The following PLCL1 variants were observed in gnomAD, a reference collection of about 807,000 sequenced individuals.
PLCL1 encodes the protein phospholipase C like 1 (inactive).
A neutral mutation model predicts 84.4 loss-of-function variants in PLCL1; 41 were observed. The ratio of observed to expected loss-of-function variants is 0.49; its 90% CI spans 0.38 to 0.63. The LOEUF is 0.63. Among genes scored for constraint, PLCL1 ranks in the 30% least tolerant of loss-of-function variants. PLCL1 has a pLI of 0.00. For missense variants in PLCL1, 1,206 were observed against 1,367.8 expected (o/e 0.88, Z 1.87); for synonymous variants, 490 against 488.3 (o/e 1.00, Z -0.05).
intron 1 of PLCL1, among the ~76,000 whole-genome samples, chr2:197,901,327 A>T (rs1320995674): frequency 6.6e-6 from 1 of 152,228 alleles, no homozygotes; most frequent in East Asian, 1.9e-4. Context: ...AAAGGCAAAA[A>T]TATACAATCT....
At chr2:198,017,705 A>G (rs142542690) in intron 1 of PLCL1, among the ~76,000 whole-genome samples, 201 of 152,374 alleles carry the variant, frequency 1.3e-3, no homozygotes, top group African/African-American at 4.4e-3. Context: ...AATGTTCTTA[A>G]TGCTTTAGTA....
chr2:197,951,132 G>A (rs1190044326), intron 1 of PLCL1, among the ~76,000 whole-genome samples: 1 of 152,112 alleles, frequency 6.6e-6, no homozygotes, highest in Non-Finnish European at 1.5e-5. Context: ...AGAACTTATG[G>A]TCCATGATTA....
chr2:198,013,281 ATGT>A (rs1033853324), intron 1 of PLCL1, among the ~76,000 whole-genome samples: 8 of 152,018 alleles, frequency 5.3e-5, no homozygotes, highest in African/African-American at 9.7e-5. Flanking sequence ...TGCCATTTTA[ATGT>A]TATCACTCCT....
chr2:198,109,508 G>T (rs1010932703), intron 5 of PLCL1, among the ~76,000 whole-genome samples: 1 of 151,832 alleles, frequency 6.6e-6, no homozygotes, highest in African/African-American at 2.4e-5. Flanking sequence ...CTTTCAGAAA[G>T]GGATACTACA....
At chr2:197,991,991 A>C (rs1282273181) in intron 1 of PLCL1, among the ~76,000 whole-genome samples, 1 of 151,794 alleles carries the variant, frequency 6.6e-6, no homozygotes, top group East Asian at 1.9e-4. Flanking sequence ...TCAGCTCTGC[A>C]CACAACTTCA....
chr2:198,006,627 T>TGGTG (rs1690735063), intron 1 of PLCL1, among the ~76,000 whole-genome samples: 1 of 152,190 alleles, frequency 6.6e-6, no homozygotes, highest in South Asian at 2.1e-4. Context: ...CTGGAACCTT[T>TGGTG]GGTGGGTGTA....
intron 1 of PLCL1, among the ~76,000 whole-genome samples, chr2:197,948,248 A>C (rs773097525): frequency 6.6e-6 from 1 of 152,158 alleles, no homozygotes; most frequent in Non-Finnish European, 1.5e-5. Flanking sequence ...GTGAAAGGTG[A>C]CACTGTTAAC....
At chr2:198,040,228 G>A (rs1034684530) in intron 1 of PLCL1, among the ~76,000 whole-genome samples, 2 of 152,078 alleles carry the variant, frequency 1.3e-5, no homozygotes, top group African/African-American at 4.8e-5. Context: ...AGGCAAACAG[G>A]ACAAGATTTT....
At chr2:197,955,593 G>C (rs1020699152) in intron 1 of PLCL1, among the ~76,000 whole-genome samples, 1 of 148,846 alleles carries the variant, frequency 6.7e-6, no homozygotes, top group African/African-American at 2.5e-5. Flanking sequence ...CTGTGTCCAA[G>C]TGTTCTCATT....
chr2:198,111,585 G>T (rs1014062888), intron 5 of PLCL1, among the ~76,000 whole-genome samples: 2 of 151,868 alleles, frequency 1.3e-5, no homozygotes, highest in African/African-American at 4.8e-5. Flanking sequence ...TGAACATTCA[G>T]TGCTTACAAT....
At chr2:197,992,886 C>T (rs563817208) in intron 1 of PLCL1, among the ~76,000 whole-genome samples, 35 of 152,178 alleles carry the variant, frequency 2.3e-4, no homozygotes, top group East Asian at 2.1e-3. Flanking sequence ...GGATAATATC[C>T]GCATTTTGTT....
At chr2:198,125,861 A>G (rs77278811) in intron 5 of PLCL1, among the ~76,000 whole-genome samples, 13,178 of 152,188 alleles carry the variant, frequency 0.087, 738 homozygotes, top group Middle Eastern at 0.22. Context: ...GTAAGCAAAA[A>G]TGGGCCATGG....
intron 1 of PLCL1, among the ~76,000 whole-genome samples, chr2:197,830,265 G>A (rs191975611): frequency 8.6e-5 from 13 of 151,886 alleles, no homozygotes; most frequent in East Asian, 5.8e-4. Context: ...AGGAAGCTAG[G>A]AACCTTGAAA....
intron 1 of PLCL1, among the ~76,000 whole-genome samples, chr2:197,845,677 C>T (rs1307745292): frequency 2.6e-5 from 4 of 152,056 alleles, no homozygotes; most frequent in Non-Finnish European, 2.9e-5. Context: ...ATTACCTTTC[C>T]TCCCCATAAT....
intron 1 of PLCL1, among the ~76,000 whole-genome samples, chr2:198,005,487 T>A (rs537377324): frequency 9.8e-5 from 15 of 152,358 alleles, no homozygotes; most frequent in African/African-American, 3.6e-4. Context: ...TCTTTCACAC[T>A]TCAGTTTCTT....
chr2:197,961,244 A>G (rs1294740667), intron 1 of PLCL1, among the ~76,000 whole-genome samples: 4 of 148,302 alleles, frequency 2.7e-5, no homozygotes, highest in Non-Finnish European at 6.0e-5. Flanking sequence ...AGGTGGAGAG[A>G]GAGAGAGAGA....
At chr2:197,886,410 TCAAAAAAAAAAAAAAAA>T (rs1687922873) in intron 1 of PLCL1, among the ~76,000 whole-genome samples, 1 of 13,244 alleles carries the variant, frequency 7.6e-5, no homozygotes, top group Admixed American at 1.9e-3. Flanking sequence ...AGACTCTGTC[TCAAAAAAAAAAAAAAAA>T]AAAAAAAAAA....
Position 198,086,240 on chromosome 2 carries a change from A to G in PLCL1, c.2715+8A>G. ...ATGAGAGAAAATATGCAGGTAGGAG[A>G]AACACTCACACTCTCCTTCCCTATC... On this transcript the variant is annotated splice_region_variant and intron_variant, in intron 2 of 5. Coordinates refer to ENST00000428675, the MANE Select transcript of PLCL1 (RefSeq NM_006226.4). 6.5e-7 allele frequency: 1 copy of G among 1,545,870 alleles called. No individual in the cohort carries two copies. Among genetic ancestry groups the G allele is most frequent in the East Asian group, 2.3e-5 (1 of 44,104 alleles).
At chr2:198,046,221 C>A (rs922210864) in intron 1 of PLCL1, among the ~76,000 whole-genome samples, 1 of 152,080 alleles carries the variant, frequency 6.6e-6, no homozygotes, top group Non-Finnish European at 1.5e-5. Context: ...ATCTAGACTG[C>A]GAAGCCTAAA....
Sources: allele counts gnomAD v4.1 joint callset (sites outside exome capture counted in the v4.1 genomes callset), GRCh38; gene constraint gnomAD v4.1.1; transcripts MANE v1.5; gene names NCBI Gene and HGNC (gene_info 2026-07-23, HGNC 2026-07-21).